DIAPH2: variants seen among roughly 807,000 people sequenced by gnomAD.
The protein encoded by DIAPH2 is diaphanous related formin 2, also known as protein diaphanous homolog 2.
A neutral mutation model predicts 92.7 loss-of-function variants in DIAPH2; 35 were observed. That is an observed-to-expected ratio of 0.38 (90% CI 0.29 to 0.50). The LOEUF (loss-of-function observed/expected upper bound fraction) is 0.50. Among genes scored for constraint, DIAPH2 ranks in the 20% least tolerant of loss-of-function variants. The pLI is 0.94. For synonymous variants in DIAPH2, 301 were observed against 280.4 expected (o/e 1.07, Z -0.73); for missense variants, 701 against 819.5 (o/e 0.86, Z 1.77).
chrX:97,189,456 T>G, intron 22 of DIAPH2, among the ~76,000 whole-genome samples: 1 of 42,087 alleles, frequency 2.4e-5, no homozygotes, highest in African/African-American at 9.6e-5. Context: ...CCTCCCACCC[T>G]CCCTCTTCCC....
At chrX:96,940,791 GC>G (rs2067034999) in intron 12 of DIAPH2, among the ~76,000 whole-genome samples, 1 of 111,639 alleles carries the variant, frequency 9.0e-6, no homozygotes, top group African/African-American at 3.3e-5. Context: ...GGGGTACTGT[GC>G]CCAAAGGTAC....
Position 97,175,651 on chromosome X carries a change from G to A in DIAPH2, c.2719+33857G>A, listed in dbSNP as rs368983076. 3.5e-4 allele frequency among the ~76,000 whole-genome samples: 39 copies of A among 111,586 alleles called. No individual in the cohort carries two copies. In the South Asian group the frequency reaches 0.015, roughly 42 times the overall value. The stretch of plus-strand genomic sequence containing the variant: ...ATTACTATCTTTGTATTAAAGTACT[G>A]GTTGTGTTGGAATTGCTGCCTTTTT... On this transcript the variant is annotated intron_variant, in intron 22 of 26. Coordinates refer to ENST00000324765, the MANE Select transcript of DIAPH2 (RefSeq NM_006729.5).
chrX:97,326,839 G>A (rs2068955284), intron 23 of DIAPH2, among the ~76,000 whole-genome samples: 1 of 112,089 alleles, frequency 8.9e-6, no homozygotes, highest in Non-Finnish European at 1.9e-5. Flanking sequence ...CAATGTATGA[G>A]TTTTTTTGTG....
rs554099852 is a variant in DIAPH2 at position 97,436,052 on chromosome X, T to G, written c.3241+6307T>G. Among the ~76,000 whole-genome samples, 9 of 111,031 alleles carry G rather than the reference T, an allele frequency of 8.1e-5. No homozygotes were observed. In the East Asian group the frequency reaches 8.5e-4, roughly 10 times the overall value. On this transcript the variant is annotated intron_variant, in intron 26 of 26. Transcript: ENST00000324765. ...AATCTCCTGACCTCGTGATCCACCC[T>G]CCTTGGCCTCCAAAAGTGCTGGGAT...
chrX:97,556,430 C>G (rs1314602266), intron 26 of DIAPH2, among the ~76,000 whole-genome samples: 1 of 112,362 alleles, frequency 8.9e-6, no homozygotes, highest in African/African-American at 3.2e-5. Context: ...AATTTATTCT[C>G]TCACATTTCT....
At position 97,570,107 on chromosome X, in the gene DIAPH2, T is replaced by G. The variant is rs1376029115; in HGVS notation, c.3242-29146T>G. Among the ~76,000 whole-genome samples the G allele has an allele frequency of 4.4e-3, 142 of 32,013 alleles. 3 individuals carry two copies. Among genetic ancestry groups the G allele is most frequent in the East Asian group, 0.014 (10 of 696 alleles). The allele number at this position is 32,013 out of a possible 115,157, so 27.8% of individuals were successfully genotyped here. On this transcript the variant is annotated intron_variant, in intron 26 of 26. Coordinates refer to ENST00000324765, the MANE Select transcript of DIAPH2 (RefSeq NM_006729.5). ...ATATATATATATATATATATATATA[T>G]ATATATATATATATATTAGAAGATA...
intron 10 of DIAPH2, among the ~76,000 whole-genome samples, chrX:96,931,131 G>A (rs2065616467): frequency 9.0e-6 from 1 of 111,034 alleles, no homozygotes; most frequent in Admixed American, 9.6e-5. Flanking sequence ...GAAAACATGA[G>A]ACTTTTTTTT....
chrX:97,037,549 C>T (rs2066419581), intron 17 of DIAPH2, among the ~76,000 whole-genome samples: 1 of 111,539 alleles, frequency 9.0e-6, no homozygotes, highest in Admixed American at 9.5e-5. Context: ...TTATATGACG[C>T]AATTGCAATT....
At chrX:97,489,863 A>G (rs1602624078) in intron 26 of DIAPH2, among the ~76,000 whole-genome samples, 1 of 111,773 alleles carries the variant, frequency 8.9e-6, no homozygotes, top group Middle Eastern at 4.6e-3. Flanking sequence ...GAATTTTCAC[A>G]TCTGTTTTCA....
chrX:97,024,265 G>A (rs1257625752), intron 17 of DIAPH2, among the ~76,000 whole-genome samples: 1 of 109,503 alleles, frequency 9.1e-6, no homozygotes, highest in Non-Finnish European at 1.9e-5. Context: ...ATATGATATT[G>A]CATTTAATGT....
intron 21 of DIAPH2, among the ~76,000 whole-genome samples, chrX:97,119,050 G>T (rs974344040): frequency 1.6e-4 from 18 of 111,174 alleles, no homozygotes; most frequent in African/African-American, 5.6e-4. Context: ...TTCTTTTTCA[G>T]GTAAATCAGG....
chrX:96,851,425 C>T (rs1248709649), intron 4 of DIAPH2, among the ~76,000 whole-genome samples: 1 of 111,966 alleles, frequency 8.9e-6, no homozygotes, highest in Admixed American at 9.5e-5. Context: ...TTTAGATGTA[C>T]AGTTGTCCTT....
chrX:96,830,966 T>C (rs1007652702), intron 4 of DIAPH2, among the ~76,000 whole-genome samples: 1 of 111,427 alleles, frequency 9.0e-6, no homozygotes, highest in African/African-American at 3.3e-5. Context: ...TATGTGAAGG[T>C]ACATGTAAAA....
In DIAPH2 at chrX:96,735,760, C is replaced by T. The variant is rs766059990; in HGVS notation, c.135C>T (p.Asn45=). 5.5e-6 allele frequency: 6 copies of T among 1,086,501 alleles called. No homozygotes were observed. Among genetic ancestry groups the T allele is most frequent in the South Asian group, 2.2e-5 (1 of 46,172 alleles). The allele number at this position is 1,086,501 out of a possible 1,213,427, so 89.5% of individuals were successfully genotyped here. The change falls in exon 2 of 27, where the codon AAC becomes AAT. Residue 45 remains asparagine, a splice_region_variant and synonymous_variant. Coordinates refer to ENST00000324765, the MANE Select transcript of DIAPH2 (RefSeq NM_006729.5). ...EEETKNKPKL[N]IQIKTLADDV... ...TTGTTTCTTTTTGGTTTTAATAGAA[C>T]ATTCAAATAAAAACTTTGGCAGATG...
At chrX:96,813,943 G>A (rs1389788499) in intron 4 of DIAPH2, among the ~76,000 whole-genome samples, 1 of 111,476 alleles carries the variant, frequency 9.0e-6, no homozygotes, top group African/African-American at 3.3e-5. Context: ...CTTTCTCTCT[G>A]GCTGCCCTTA....
chrX:97,023,380 A>G (rs1180442648), intron 17 of DIAPH2, among the ~76,000 whole-genome samples: 2 of 112,000 alleles, frequency 1.8e-5, no homozygotes, highest in African/African-American at 6.5e-5. Context: ...TTACAAACAC[A>G]TATCTAGTGC....
chrX:97,528,016 T>G (rs189244080), intron 26 of DIAPH2, among the ~76,000 whole-genome samples: 31 of 111,342 alleles, frequency 2.8e-4, no homozygotes, highest in Non-Finnish European at 1.9e-5. Context: ...AGAGGAAAAT[T>G]TTGAGAAGAG....
intron 5 of DIAPH2, among the ~76,000 whole-genome samples, chrX:96,887,207 G>T (rs934558284): frequency 1.2e-4 from 13 of 111,892 alleles, no homozygotes; most frequent in African/African-American, 4.2e-4. Flanking sequence ...CTTTTAGGCA[G>T]AAAATCACTG....
At chrX:97,544,747 C>T (rs183652027) in intron 26 of DIAPH2, among the ~76,000 whole-genome samples, 145 of 112,170 alleles carry the variant, frequency 1.3e-3, no homozygotes, top group African/African-American at 4.3e-3. Context: ...TCAGGTGGCA[C>T]TCTATAAGTT....
Sources: gnomAD v4.1 joint callset for allele counts (sites outside exome capture counted in the v4.1 genomes callset) on GRCh38, gnomAD v4.1.1 for gene constraint, MANE v1.5 for transcripts, NCBI Gene and HGNC (gene_info 2026-07-23, HGNC 2026-07-21) for gene names.